The following KAZN variants were observed in gnomAD, a reference collection of about 807,000 sequenced individuals.
The protein encoded by KAZN is kazrin, periplakin interacting protein, also known as kazrin.
Under a neutral mutation model 87.4 loss-of-function variants are expected in KAZN, and 40 were observed. That is an observed-to-expected ratio of 0.46 (90% CI 0.36 to 0.60). KAZN has a LOEUF of 0.60. Ranked by LOEUF, KAZN falls within the 20% of genes least tolerant of loss-of-function variation. The pLI is 0.00. For synonymous variants in KAZN, 466 were observed against 458.3 expected, an observed-to-expected ratio of 1.02 and a Z score of -0.22; for missense variants, 898 against 1,073.9, an observed-to-expected ratio of 0.84 and a Z score of 2.29.
chr1:14,268,143 T>C (rs1382901598), intron 2 of KAZN, among the ~76,000 whole-genome samples: 1 of 152,184 alleles, frequency 6.6e-6, no homozygotes, highest in Non-Finnish European at 1.5e-5. Flanking sequence ...TTCCACTGCA[T>C]AGTAGACACC....
intron 2 of KAZN, among the ~76,000 whole-genome samples, chr1:14,228,638 TCCCAGACTCTGGGAGAAGATGGCTG>T (rs1319331418): frequency 6.6e-6 from 1 of 152,172 alleles, no homozygotes; most frequent in Non-Finnish European, 1.5e-5. Flanking sequence ...CTTCCAGACT[TCCCAGACTCTGGGAGAAGATGGCTG>T]AATCTTCTGA....
intron 2 of KAZN, among the ~76,000 whole-genome samples, chr1:14,487,843 C>A (rs1669428958): frequency 6.6e-6 from 1 of 152,104 alleles, no homozygotes; most frequent in African/African-American, 2.4e-5. Context: ...TTGTGGCTTG[C>A]AGATCTGGGT....
At chr1:14,694,572 C>G (rs1450584888) in intron 1 of KAZN, among the ~76,000 whole-genome samples, 9 of 152,162 alleles carry the variant, frequency 5.9e-5, no homozygotes, top group Admixed American at 5.9e-4. Flanking sequence ...GAATCTTCTG[C>G]TCTTATCAAA....
chr1:14,932,171 A>G (rs1332336852), intron 1 of KAZN, among the ~76,000 whole-genome samples: 1 of 152,082 alleles, frequency 6.6e-6, no homozygotes, highest in Middle Eastern at 3.2e-3. Flanking sequence ...GAGGAGACCA[A>G]ACTCTTGTCC....
At chr1:13,900,378 ACCAG>A (rs1244701391) in intron 1 of KAZN, among the ~76,000 whole-genome samples, 6 of 152,060 alleles carry the variant, frequency 3.9e-5, no homozygotes, top group Non-Finnish European at 7.4e-5. Context: ...AGTATCCCCT[ACCAG>A]CCCCTGGTGA....
At chr1:14,145,082 T>C (rs559227310) in intron 1 of KAZN, among the ~76,000 whole-genome samples, 1 of 152,306 alleles carries the variant, frequency 6.6e-6, no homozygotes, top group East Asian at 1.9e-4. Context: ...AGGATAAGGT[T>C]CTTAGTACCT....
intron 2 of KAZN, among the ~76,000 whole-genome samples, chr1:15,010,158 G>A (rs1669435285): frequency 6.6e-6 from 1 of 152,094 alleles, no homozygotes. Flanking sequence ...TTTGTTGAAG[G>A]AAACATGTTG....
intron 2 of KAZN, among the ~76,000 whole-genome samples, chr1:15,033,770 G>A (rs953467310): frequency 3.3e-5 from 5 of 152,192 alleles, no homozygotes; most frequent in African/African-American, 7.2e-5. Flanking sequence ...ACAGAGTCTC[G>A]CTCTCTCACC....
At chr1:14,233,823 A>G (rs1055535995) in intron 2 of KAZN, among the ~76,000 whole-genome samples, 6 of 152,200 alleles carry the variant, frequency 3.9e-5, no homozygotes, top group African/African-American at 1.4e-4. Flanking sequence ...GACCTTAAGG[A>G]TCTTGAAAAT....
chr1:14,070,628 T>C (rs1193914629), intron 1 of KAZN, among the ~76,000 whole-genome samples: 2 of 152,208 alleles, frequency 1.3e-5, no homozygotes, highest in African/African-American at 4.8e-5. Flanking sequence ...ATTAAACATC[T>C]TAAAGAATTG....
At chr1:14,461,189 T>C (rs16850288) in intron 2 of KAZN, among the ~76,000 whole-genome samples, 8,009 of 152,262 alleles carry the variant, frequency 0.053, 253 homozygotes, top group East Asian at 0.078. Flanking sequence ...TTCCTGGCTG[T>C]CATCTCTTTC....
At chr1:13,905,058 C>CT (rs1233525692) in intron 1 of KAZN, among the ~76,000 whole-genome samples, 2 of 152,056 alleles carry the variant, frequency 1.3e-5, no homozygotes, top group African/African-American at 4.8e-5. Context: ...CATTGAATGT[C>CT]TTTTTTTAAC....
At chr1:14,320,815 A>G (rs562704122) in intron 2 of KAZN, among the ~76,000 whole-genome samples, 1 of 152,286 alleles carries the variant, frequency 6.6e-6, no homozygotes, top group East Asian at 1.9e-4. Context: ...GCTGATATCA[A>G]AACATCATGT....
chr1:14,909,642 C>T (rs896897085), intron 1 of KAZN, among the ~76,000 whole-genome samples: 1 of 152,204 alleles, frequency 6.6e-6, no homozygotes, highest in Non-Finnish European at 1.5e-5. Context: ...GTGCCCTGCT[C>T]TTCAACTGGC....
intron 1 of KAZN, among the ~76,000 whole-genome samples, chr1:14,726,772 C>CCCCCTG (rs1643403806): frequency 6.6e-6 from 1 of 152,202 alleles, no homozygotes; most frequent in East Asian, 1.9e-4. Flanking sequence ...GAGAGACATG[C>CCCCCTG]AGATTCTCAG....
chr1:14,047,925 G>A (rs113808060), intron 1 of KAZN, among the ~76,000 whole-genome samples: 1 of 151,904 alleles, frequency 6.6e-6, no homozygotes, highest in African/African-American at 2.4e-5. Context: ...AAGAACAAAG[G>A]AGTTTAAAAC....
chr1:15,052,437 T>G (rs1674507222), intron 4 of KAZN, among the ~76,000 whole-genome samples: 1 of 152,122 alleles, frequency 6.6e-6, no homozygotes, highest in South Asian at 2.1e-4. Context: ...ATGATTCAAT[T>G]ACCTCCCACT....
chr1:14,950,613 T>G (rs900192351), intron 1 of KAZN, among the ~76,000 whole-genome samples: 1 of 152,146 alleles, frequency 6.6e-6, no homozygotes, highest in Non-Finnish European at 1.5e-5. Context: ...TGAGTTTCCC[T>G]GTGGCAGCTG....
At chr1:14,027,213 G>T (rs960182703) in intron 1 of KAZN, among the ~76,000 whole-genome samples, 2 of 152,102 alleles carry the variant, frequency 1.3e-5, no homozygotes, top group East Asian at 1.9e-4. Context: ...TCAAAGCACC[G>T]CTTGGTTCTC....
Sources: gnomAD v4.1 joint callset for allele counts (sites outside exome capture counted in the v4.1 genomes callset) on GRCh38, gnomAD v4.1.1 for gene constraint, MANE v1.5 for transcripts, NCBI Gene and HGNC (gene_info 2026-07-23, HGNC 2026-07-21) for gene names.